The following CDK14 variants were observed in gnomAD, a reference collection of about 807,000 sequenced individuals.
CDK14 encodes the protein cyclin-dependent kinase 14.
In CDK14, 34 loss-of-function variants were observed where a neutral mutation model predicts 60.7. The ratio of observed to expected loss-of-function variants is 0.56; its 90% CI spans 0.43 to 0.75. CDK14 has a LOEUF of 0.75. Ranked by LOEUF, CDK14 falls within the 30% of genes least tolerant of loss-of-function variation. The probability of loss-of-function intolerance (pLI) is 0.00; values close to 1 mark genes in which losing one functional copy is unlikely to be tolerated. For missense variants in CDK14, 482 were observed against 564.1 expected, an observed-to-expected ratio of 0.85 and a Z score of 1.47; for synonymous variants, 197 against 203.7, an observed-to-expected ratio of 0.97 and a Z score of 0.28.
At chr7:90,658,106 C>T (rs928044904) in intron 2 of CDK14, among the ~76,000 whole-genome samples, 1 of 152,186 alleles carries the variant, frequency 6.6e-6, no homozygotes, top group African/African-American at 2.4e-5. Context: ...GTCACTGCTC[C>T]TCCCACAACC....
At chr7:91,169,067 A>G (rs1271746629) in intron 14 of CDK14, among the ~76,000 whole-genome samples, 4 of 152,238 alleles carry the variant, frequency 2.6e-5, no homozygotes, top group Non-Finnish European at 5.9e-5. Context: ...CTTGTGGATA[A>G]TAAATCCATC....
chr7:90,920,656 G>A (rs1793220303), intron 8 of CDK14, among the ~76,000 whole-genome samples: 1 of 152,128 alleles, frequency 6.6e-6, no homozygotes, highest in Admixed American at 6.5e-5. Context: ...CTCTTACAGG[G>A]CTGCCTAAGC....
intron 7 of CDK14, among the ~76,000 whole-genome samples, chr7:90,903,287 C>T (rs975901372): frequency 7.9e-5 from 12 of 151,994 alleles, no homozygotes; most frequent in African/African-American, 2.7e-4. Flanking sequence ...GCACTATTCA[C>T]AATAGCAAAG....
intron 4 of CDK14, among the ~76,000 whole-genome samples, chr7:90,787,112 G>T (rs1805617683): frequency 6.6e-6 from 1 of 152,112 alleles, no homozygotes; most frequent in Admixed American, 6.5e-5. Context: ...TAGATAAAAA[G>T]TAATTAAGAA....
At chr7:91,135,205 G>A (rs1800241378) in intron 14 of CDK14, among the ~76,000 whole-genome samples, 1 of 151,900 alleles carries the variant, frequency 6.6e-6, no homozygotes, top group Admixed American at 6.6e-5. Flanking sequence ...AAAGAAAACT[G>A]GGGGACAGAG....
At chr7:90,636,981 TC>T (rs1368136470) in intron 2 of CDK14, among the ~76,000 whole-genome samples, 1 of 151,744 alleles carries the variant, frequency 6.6e-6, no homozygotes, top group African/African-American at 2.4e-5. Flanking sequence ...GGTGGTGATA[TC>T]CCCTTTATCA....
At chr7:90,843,851 A>G (rs1790377709) in intron 5 of CDK14, among the ~76,000 whole-genome samples, 1 of 152,150 alleles carries the variant, frequency 6.6e-6, no homozygotes, top group Admixed American at 6.5e-5. Flanking sequence ...TGCCTCAGAT[A>G]ATGGAGTTTT....
At position 91,008,149 on chromosome 7, in the gene CDK14, AC is replaced by A. The variant is rs1166498249; in HGVS notation, c.1041+23909del. ...GGCCAAAAAAAAAAAAAAAAAACAA[AC>A]AAAAAAAAACAGTGGATGGTGGAGG... On this transcript the variant is annotated intron_variant, in intron 10 of 14. Coordinates refer to ENST00000380050, the MANE Select transcript of CDK14 (RefSeq NM_001287135.2). Among the ~76,000 whole-genome samples the A allele has an allele frequency of 2.7e-3, 288 of 107,422 alleles. 30 individuals are homozygous for A. The highest frequency in any genetic ancestry group is 4.0e-3 in the Non-Finnish European group (183 of 46,080). 70.5% of individuals were successfully genotyped at this position (107,422 alleles called of 152,430 possible).
intron 4 of CDK14, among the ~76,000 whole-genome samples, chr7:90,777,260 A>C (rs2116915481): frequency 6.6e-6 from 1 of 152,316 alleles, no homozygotes; most frequent in Non-Finnish European, 1.5e-5. Context: ...GTTTTCCAGT[A>C]AGGTGCTGTT....
intron 2 of CDK14, among the ~76,000 whole-genome samples, chr7:90,674,524 G>T (rs1266706518): frequency 1.3e-5 from 2 of 152,196 alleles, no homozygotes; most frequent in East Asian, 1.9e-4. Context: ...ATGAGCTATA[G>T]ACGAACCTCA....
intron 10 of CDK14, among the ~76,000 whole-genome samples, chr7:91,024,178 G>A (rs1796509897): frequency 6.6e-6 from 1 of 152,054 alleles, no homozygotes; most frequent in Admixed American, 6.5e-5. Context: ...TATTTACTGA[G>A]TGCCACTATA....
chr7:90,861,767 G>A (rs1255351945), intron 5 of CDK14, among the ~76,000 whole-genome samples: 1 of 152,072 alleles, frequency 6.6e-6, no homozygotes, highest in Admixed American at 6.5e-5. Context: ...AGAGGGCAAA[G>A]GTGACAGAAA....
At chr7:91,206,382 G>C (rs1410139496) in intron 14 of CDK14, among the ~76,000 whole-genome samples, 3 of 152,168 alleles carry the variant, frequency 2.0e-5, no homozygotes, top group African/African-American at 7.2e-5. Context: ...TAAGGAACTG[G>C]TTCTGGGATT....
intron 2 of CDK14, among the ~76,000 whole-genome samples, chr7:90,617,043 T>C (rs1271869347): frequency 6.6e-6 from 1 of 152,206 alleles, no homozygotes; most frequent in African/African-American, 2.4e-5. Context: ...ATAATTTTAA[T>C]ATTTGCTATT....
chr7:91,096,403 GA>G (rs1798993398), intron 12 of CDK14, among the ~76,000 whole-genome samples: 1 of 152,082 alleles, frequency 6.6e-6, no homozygotes, highest in African/African-American at 2.4e-5. Flanking sequence ...CCATGTGAAC[GA>G]ATTACCTTGG....
At chr7:90,692,283 C>CCCAG (rs1302229974) in intron 2 of CDK14, among the ~76,000 whole-genome samples, 1 of 152,052 alleles carries the variant, frequency 6.6e-6, no homozygotes, top group Non-Finnish European at 1.5e-5. Flanking sequence ...GACAGATATA[C>CCCAG]CCAGATATTC....
chr7:91,052,048 A>C (rs778315587), intron 11 of CDK14, among the ~76,000 whole-genome samples: 25 of 152,230 alleles, frequency 1.6e-4, no homozygotes, highest in Non-Finnish European at 2.8e-4. Context: ...CAGTAGAATC[A>C]GAGTAATGGA....
chr7:91,159,785 G>T (rs912777745), intron 14 of CDK14, among the ~76,000 whole-genome samples: 2 of 152,180 alleles, frequency 1.3e-5, no homozygotes, highest in Non-Finnish European at 2.9e-5. Flanking sequence ...AGGACAGGAG[G>T]TTCCCAATGC....
chr7:91,041,171 T>G (rs1797078974), intron 10 of CDK14, among the ~76,000 whole-genome samples: 1 of 127,608 alleles, frequency 7.8e-6, no homozygotes, highest in African/African-American at 3.0e-5. Context: ...AAGATGAGCT[T>G]GTCCTTTTTT....
Sources: gnomAD v4.1 joint callset for allele counts (sites outside exome capture counted in the v4.1 genomes callset) on GRCh38, gnomAD v4.1.1 for gene constraint, MANE v1.5 for transcripts, NCBI Gene and HGNC (gene_info 2026-07-23, HGNC 2026-07-21) for gene names.